The following SPMIP4 variants were observed in gnomAD, a reference collection of about 807,000 sequenced individuals.
The protein encoded by SPMIP4 is sperm microtubule inner protein 4, also known as sperm-associated microtubule inner protein 4.
the SPMIP4 span, among the ~76,000 whole-genome samples, chr7:25,126,138 A>G: frequency 2.0e-5 from 3 of 152,214 alleles, no homozygotes; most frequent in African/African-American, 4.8e-5. Flanking sequence ...TAAACGGTCT[A>G]TCCATCACCT....
the SPMIP4 span, chr7:25,136,581 C>T: frequency 6.8e-6 from 11 of 1,614,000 alleles, no homozygotes; most frequent in South Asian, 6.6e-5. The surrounding 1 kb of genome is among the most constrained non-coding windows in gnomAD (Gnocchi z 5.7). Context: ...TTTTATGGGT[C>T]ACACCGGCTG....
the SPMIP4 span, among the ~76,000 whole-genome samples, chr7:25,165,210 G>T: frequency 2.0e-5 from 3 of 152,192 alleles, no homozygotes; most frequent in Non-Finnish European, 4.4e-5. Context: ...TTTCTGCCTT[G>T]ATGTGTCTTA....
the SPMIP4 span, among the ~76,000 whole-genome samples, chr7:25,141,090 T>A: frequency 6.6e-6 from 1 of 152,210 alleles, no homozygotes; most frequent in Non-Finnish European, 1.5e-5. Flanking sequence ...ACCAACAGAT[T>A]ATACTTTTGC....
the SPMIP4 span, chr7:25,134,686 C>T: frequency 1.0e-6 from 1 of 985,896 alleles, no homozygotes; most frequent in African/African-American, 1.7e-5. Context: ...CAATCAAAAC[C>T]TCAAATTTTT....
At chr7:25,151,658 CA>C in the SPMIP4 span, 5 of 1,610,358 alleles carry the variant, frequency 3.1e-6, no homozygotes. Context: ...ATGGGAATAT[CA>C]ATCAGTTCAT....
the SPMIP4 span, chr7:25,142,201 T>A: frequency 1.4e-6 from 2 of 1,478,094 alleles, no homozygotes; most frequent in East Asian, 4.5e-5. Context: ...AGCCCAGCAC[T>A]CTCCCCCAAA....
chr7:25,175,803 G>C, the SPMIP4 span, among the ~76,000 whole-genome samples: 2 of 152,294 alleles, frequency 1.3e-5, no homozygotes, highest in South Asian at 2.1e-4. Context: ...GAAGAAGTGA[G>C]GCTCAGCAAT....
the SPMIP4 span, among the ~76,000 whole-genome samples, chr7:25,167,593 G>A: frequency 2.0e-5 from 3 of 152,152 alleles, no homozygotes; most frequent in South Asian, 4.1e-4. Context: ...TGTTGTTAAT[G>A]TTTCTCTCTC....
At chr7:25,165,800 C>T in the SPMIP4 span, among the ~76,000 whole-genome samples, 2 of 152,144 alleles carry the variant, frequency 1.3e-5, no homozygotes, top group African/African-American at 4.8e-5. Flanking sequence ...GCCGATGTAC[C>T]GTGTATTGAA....
chr7:25,126,879 A>G, the SPMIP4 span, among the ~76,000 whole-genome samples: 93 of 152,286 alleles, frequency 6.1e-4, no homozygotes, highest in African/African-American at 2.2e-3. Flanking sequence ...TCTGGTGTTG[A>G]TGAAATCCCT....
the SPMIP4 span, among the ~76,000 whole-genome samples, chr7:25,178,061 T>C: frequency 6.6e-6 from 1 of 152,190 alleles, no homozygotes; most frequent in Non-Finnish European, 1.5e-5. Context: ...TAGGTGATAT[T>C]TGGTTTTCTG....
At chr7:25,136,832 G>C in the SPMIP4 span, 1 of 1,577,724 alleles carries the variant, frequency 6.3e-7, no homozygotes, top group South Asian at 1.2e-5. The surrounding 1 kb of genome is among the most constrained non-coding windows in gnomAD (Gnocchi z 5.7). Context: ...AAATTGATCA[G>C]GGATATTGCC....
chr7:25,126,018 G>A, the SPMIP4 span: 6 of 920,996 alleles, frequency 6.5e-6, no homozygotes, highest in Non-Finnish European at 7.8e-6. Flanking sequence ...TAACATTTAT[G>A]TACCTTTTAA....
At chr7:25,149,260 T>C in the SPMIP4 span, among the ~76,000 whole-genome samples, 2 of 151,172 alleles carry the variant, frequency 1.3e-5, no homozygotes, top group Non-Finnish European at 2.9e-5. Context: ...TTAATAGGAA[T>C]AGAACATTGT....
chr7:25,137,175 G>A, the SPMIP4 span, among the ~76,000 whole-genome samples: 8 of 152,186 alleles, frequency 5.3e-5, no homozygotes, highest in African/African-American at 1.9e-4. Context: ...TTAGGCCTTA[G>A]CAAGTGCCCT....
At chr7:25,146,146 C>CAG in the SPMIP4 span, among the ~76,000 whole-genome samples, 48 of 149,904 alleles carry the variant, frequency 3.2e-4, no homozygotes, top group South Asian at 2.1e-3. Flanking sequence ...GGAATGAAGA[C>CAG]AGAGAGAGAG....
chr7:25,153,715 T>C, the SPMIP4 span, among the ~76,000 whole-genome samples: 1 of 152,142 alleles, frequency 6.6e-6, no homozygotes, highest in East Asian at 1.9e-4. Flanking sequence ...GTCATAAAAA[T>C]TTTACTTGTT....
the SPMIP4 span, among the ~76,000 whole-genome samples, chr7:25,147,467 G>A: frequency 6.6e-6 from 1 of 152,054 alleles, no homozygotes; most frequent in African/African-American, 2.4e-5. Context: ...GACTCTGGTG[G>A]GGAAAACTGG....
At chr7:25,164,249 T>C in the SPMIP4 span, among the ~76,000 whole-genome samples, 1 of 152,144 alleles carries the variant, frequency 6.6e-6, no homozygotes, top group Non-Finnish European at 1.5e-5. Context: ...GGTTTAGAGG[T>C]CAAGGGAGAA....
Sources: gnomAD v4.1 joint callset for allele counts (sites outside exome capture counted in the v4.1 genomes callset) on GRCh38, gnomAD v4.1.1 for gene constraint, Gnocchi (gnomAD v3.1) non-coding constraint, MANE v1.5 for transcripts, NCBI Gene and HGNC (gene_info 2026-07-23, HGNC 2026-07-21) for gene names.